Variants in KIF15 observed in about 807,000 individuals in gnomAD.
KIF15 encodes the protein kinesin family member 15.
A neutral mutation model predicts 190.6 loss-of-function variants in KIF15; 140 were observed. The ratio of observed to expected loss-of-function variants is 0.73; its 90% CI spans 0.64 to 0.84. The LOEUF (loss-of-function observed/expected upper bound fraction) is 0.84, where lower values mean the gene tolerates loss of function less well. Among genes scored for constraint, KIF15 ranks in the 40% least tolerant of loss-of-function variants. The pLI, the probability that KIF15 is intolerant of heterozygous loss-of-function variation, is 0.00. For synonymous variants in KIF15, 528 were observed against 551.3 expected (o/e 0.96, Z 0.59); for missense variants, 1,372 against 1,584.4 (o/e 0.87, Z 2.28).
chr3:44,796,546 T>C (rs1425372345), intron 8 of KIF15, among the ~76,000 whole-genome samples: 1 of 152,206 alleles, frequency 6.6e-6, no homozygotes, highest in African/African-American at 2.4e-5. Flanking sequence ...GCTGCTACAG[T>C]ACTCTCAACC....
At position 44,830,031 on chromosome 3, in the gene KIF15, A is replaced by G. The variant is rs1360431689; in HGVS notation, c.3004A>G (p.Thr1002Ala). ...GCTAAGAACATCGGTCTGTGAGAAA[A>G]CAGAAACTATAGACACCCTGAAACA... The part of the protein sequence containing the change: ...QELRTSVCEK[T>A]ETIDTLKQEL... The change falls in exon 25 of 35, where the codon ACA (threonine) becomes GCA (alanine). Residue 1002 changes from threonine to alanine, a missense_variant. Coordinates refer to ENST00000326047, the MANE Select transcript of KIF15 (RefSeq NM_020242.3). 1 of 1,596,834 alleles carries G rather than the reference A, an allele frequency of 6.3e-7. No homozygotes were observed. The highest frequency in any genetic ancestry group is 1.4e-5 in the African/African-American group (1 of 73,996).
chr3:44,773,325 G>C (rs1244158479), intron 1 of KIF15, among the ~76,000 whole-genome samples: 1 of 152,206 alleles, frequency 6.6e-6, no homozygotes, highest in Non-Finnish European at 1.5e-5. Flanking sequence ...CTTGAACCTA[G>C]CTGGGCCCCT....
intron 20 of KIF15, among the ~76,000 whole-genome samples, chr3:44,820,911 C>T (rs1374028598): frequency 2.0e-5 from 3 of 148,728 alleles, no homozygotes; most frequent in South Asian, 2.1e-4. Flanking sequence ...GGCTCCTCAC[C>T]TCCCAGTAGG....
downstream of KIF15, among the ~76,000 whole-genome samples, chr3:44,854,076 C>T (rs1699153265): frequency 6.6e-6 from 1 of 152,126 alleles, no homozygotes; most frequent in Admixed American, 6.6e-5. Flanking sequence ...CTACACAACT[C>T]TATGTTTACT....
At position 44,848,027 on chromosome 3, in the gene KIF15, A is replaced by G. The variant is rs1251752074; in HGVS notation, c.3738A>G (p.Gln1246=). Residue 1246 remains glutamine, a synonymous_variant, in exon 31 of 35, where the codon CAA becomes CAG. Coordinates refer to ENST00000326047, the MANE Select transcript of KIF15 (RefSeq NM_020242.3). ...HPDNQQLKNE[Q]EESIKERLAK... is the part of the protein sequence containing the mutation. ...ATAATCAACAGCTGAAGAATGAACA[A>G]GAAGAAAGTATCAAAGAAAGACTTG... 1.2e-6 allele frequency: 2 copies of G among 1,611,380 alleles called. No homozygotes were observed. Among genetic ancestry groups the G allele is most frequent in the African/African-American group, 1.3e-5 (1 of 74,828 alleles).
intron 1 of KIF15, among the ~76,000 whole-genome samples, chr3:44,763,181 A>C (rs1371861630): frequency 6.6e-6 from 1 of 152,172 alleles, no homozygotes; most frequent in Non-Finnish European, 1.5e-5. Flanking sequence ...CTTCCCAGTT[A>C]AAGTGCTTCT....
intron 1 of KIF15, 40 bp downstream of exon 1, chr3:44,761,924 C>G (rs1244962040): frequency 1.2e-6 from 2 of 1,613,790 alleles, no homozygotes; most frequent in Middle Eastern, 1.6e-4. Context: ...TATTTTTGCC[C>G]CCAAATACAG....
At chr3:44,863,306 C>CA (rs961244169) in intron 6 of KIF15, 1 of 107,006 alleles carries the variant, frequency 9.3e-6, no homozygotes, top group Non-Finnish European at 2.2e-5. Flanking sequence ...CCGCACCCCC[C>CA]CCCCCCGCCG....
At chr3:44,835,917 TA>T (rs1698287694) in intron 26 of KIF15, among the ~76,000 whole-genome samples, 1 of 151,960 alleles carries the variant, frequency 6.6e-6, no homozygotes. Flanking sequence ...TACTAGAAAA[TA>T]AAAATACAAG....
At chr3:44,811,814 A>G (rs1707798071) in intron 17 of KIF15, among the ~76,000 whole-genome samples, 1 of 152,152 alleles carries the variant, frequency 6.6e-6, no homozygotes, top group Non-Finnish European at 1.5e-5. Flanking sequence ...GACCACCCCA[A>G]ACCCCAGTAT....
In KIF15 at chr3:44,813,075, C is replaced by T; in HGVS notation, c.2278C>T (p.Leu760Phe). ...LEHHSTQMQE[L>F]FSSERIDWTK... ...AGTAAATTTATCTTTTTTCCCAAAG[C>T]TTTTCTCATCAGAAAGAATTGATTG... is the stretch of plus-strand genomic sequence containing the variant. Residue 760 changes from leucine (L) to phenylalanine (F), a missense_variant and splice_region_variant, in exon 19 of 35, where the codon CTT (leucine) becomes TTT (phenylalanine). Transcript: ENST00000326047. The T allele has an allele frequency of 1.3e-6, 2 of 1,571,188 alleles. No homozygotes were observed. Among genetic ancestry groups the T allele is most frequent in the South Asian group, 2.4e-5 (2 of 84,028 alleles).
chr3:44,792,065 A>ATCTC (rs112060223), intron 7 of KIF15, among the ~76,000 whole-genome samples: 31 of 151,138 alleles, frequency 2.1e-4, no homozygotes, highest in Admixed American at 7.9e-4. Context: ...AGTTTGGAGG[A>ATCTC]TCTCTCTCTC....
At chr3:44,841,310 G>A (rs942019076) in intron 29 of KIF15, 72 bp downstream of exon 29, 71 of 1,236,352 alleles carry the variant, frequency 5.7e-5, no homozygotes, top group Non-Finnish European at 7.9e-5. Context: ...TGCCCAGGCT[G>A]GGCTCAAGTG....
intron 7 of KIF15, among the ~76,000 whole-genome samples, 198 bp downstream of exon 7, chr3:44,786,772 G>A (rs1706427452): frequency 6.6e-6 from 1 of 152,036 alleles, no homozygotes; most frequent in Admixed American, 6.5e-5. Flanking sequence ...CCTCGAAAGG[G>A]CAATTTATAC....
At chr3:44,783,922 G>A (rs1354947754) in intron 5 of KIF15, among the ~76,000 whole-genome samples, 4 of 152,060 alleles carry the variant, frequency 2.6e-5, no homozygotes. Flanking sequence ...GCTATAACTT[G>A]AATTAGAATT....
intron 22 of KIF15, chr3:44,826,848 T>A: frequency 3.7e-6 from 1 of 273,214 alleles, no homozygotes; most frequent in Non-Finnish European, 7.4e-6. Flanking sequence ...GCTGCCATAT[T>A]TCTTCCCTCT....
Position 44,833,069 on chromosome 3 carries a change from G to A in KIF15, c.3171+2051G>A, listed in dbSNP as rs1698149012. On this transcript the variant is annotated intron_variant, in intron 26 of 34. Coordinates refer to ENST00000326047, the MANE Select transcript of KIF15 (RefSeq NM_020242.3). ...CAACAAAAATTAGAATAAAAGGAAAGTAAGGGTAGAATAGTAACAAGTTAT... is the reference window on the plus strand; with the variant it reads ...CAACAAAAATTAGAATAAAAGGAAAATAAGGGTAGAATAGTAACAAGTTAT... Among the ~76,000 whole-genome samples, 8 of 150,874 alleles carry A rather than the reference G, an allele frequency of 5.3e-5. No homozygotes were observed. The South Asian group carries it at 1.5e-3, about 28-fold the overall frequency.
chr3:44,836,571 A>G (rs1156897814), intron 26 of KIF15, among the ~76,000 whole-genome samples: 1 of 152,150 alleles, frequency 6.6e-6, no homozygotes, highest in Non-Finnish European at 1.5e-5. Flanking sequence ...TTTATCCTTC[A>G]GGAGAAGGAT....
At chr3:44,851,684 T>TG (rs1559596610) in intron 32 of KIF15, 103 bp from the exon 33 acceptor site, 2 of 906,192 alleles carry the variant, frequency 2.2e-6, no homozygotes, top group Admixed American at 2.6e-5. Context: ...TAGTAATACT[T>TG]TCAAATCAAA....
Sources: gnomAD v4.1 joint callset for allele counts (sites outside exome capture counted in the v4.1 genomes callset) on GRCh38, gnomAD v4.1.1 for gene constraint, MANE v1.5 for transcripts, NCBI Gene and HGNC (gene_info 2026-07-23, HGNC 2026-07-21) for gene names.